Variants in ZNF385B observed in about 807,000 individuals in gnomAD.
ZNF385B encodes the protein zinc finger protein 533.
A neutral mutation model predicts 39.2 loss-of-function variants in ZNF385B; 23 were observed. The ratio of observed to expected loss-of-function variants is 0.59; its 90% CI spans 0.42 to 0.83. The LOEUF (loss-of-function observed/expected upper bound fraction) is 0.83. Among genes scored for constraint, ZNF385B ranks in the 40% least tolerant of loss-of-function variants. ZNF385B has a pLI of 0.00. For missense variants in ZNF385B, 552 were observed against 598.9 expected, an observed-to-expected ratio of 0.92 and a Z score of 0.82; for synonymous variants, 205 against 222.6, an observed-to-expected ratio of 0.92 and a Z score of 0.70.
At chr2:179,663,762 T>C (rs1575135193) in intron 3 of ZNF385B, among the ~76,000 whole-genome samples, 1 of 146,476 alleles carries the variant, frequency 6.8e-6, no homozygotes, top group South Asian at 2.2e-4. Context: ...TCTCTCATTA[T>C]CATTTAAAAG....
At chr2:179,659,524 T>C (rs1484003956) in intron 3 of ZNF385B, among the ~76,000 whole-genome samples, 1 of 151,910 alleles carries the variant, frequency 6.6e-6, no homozygotes, top group Non-Finnish European at 1.5e-5. Context: ...TTTAAAAATA[T>C]TTTATATTGT....
chr2:179,804,048 C>T (rs775705934), intron 1 of ZNF385B, among the ~76,000 whole-genome samples: 3 of 152,172 alleles, frequency 2.0e-5, no homozygotes, highest in Admixed American at 6.5e-5. Context: ...GTTACCAACA[C>T]AAATCTGTTT....
chr2:179,682,477 T>C (rs576830297), intron 3 of ZNF385B, among the ~76,000 whole-genome samples: 2 of 152,340 alleles, frequency 1.3e-5, no homozygotes, highest in South Asian at 4.1e-4. Context: ...CCCAAAATCC[T>C]GGCAATCATT....
rs142141608 is a variant in ZNF385B, at chr2:179,520,974, T to C, written c.442-2336A>G. On this transcript the variant is annotated intron_variant, in intron 4 of 9. Coordinates refer to ENST00000410066, the MANE Select transcript of ZNF385B (RefSeq NM_152520.6). ...AAATTAAAACTTTCCTCAAAGTGAATCCACATATCCTAGCTGTTTCCATGC... is the reference window on the plus strand; with the variant it reads ...AAATTAAAACTTTCCTCAAAGTGAACCCACATATCCTAGCTGTTTCCATGC... Among the ~76,000 whole-genome samples the C allele has an allele frequency of 5.3e-5, 8 of 152,290 alleles. No homozygotes were observed. The East Asian group carries it at 1.4e-3, about 26-fold the overall frequency.
chr2:179,783,141 C>T (rs1452690551), intron 1 of ZNF385B, among the ~76,000 whole-genome samples: 3 of 152,062 alleles, frequency 2.0e-5, no homozygotes, highest in Admixed American at 6.6e-5. Context: ...GGTGCTTTGA[C>T]CAATGGACCA....
Position 179,731,585 on chromosome 2 carries a change from T to C in ZNF385B, c.298+37918A>G, listed in dbSNP as rs557267476. Among the ~76,000 whole-genome samples, 3 of 152,274 alleles carry C rather than the reference T, an allele frequency of 2.0e-5. No individual in the cohort carries two copies. The East Asian group carries it at 5.8e-4, about 29-fold the overall frequency. The stretch of plus-strand genomic sequence containing the variant: ...CTCTTAATAACACCCATGCCAGCAA[T>C]TCTGATTTAATTGATCAGGGTGGAG... On this transcript the variant is annotated intron_variant, in intron 3 of 9. Transcript: ENST00000410066.
At chr2:179,667,599 T>G (rs1375706072) in intron 3 of ZNF385B, among the ~76,000 whole-genome samples, 1 of 152,106 alleles carries the variant, frequency 6.6e-6, no homozygotes, top group Non-Finnish European at 1.5e-5. Context: ...GGTGGCCTGG[T>G]TCAAAACGAT....
At chr2:179,589,721 A>C (rs562070543) in intron 3 of ZNF385B, among the ~76,000 whole-genome samples, 1 of 152,350 alleles carries the variant, frequency 6.6e-6, no homozygotes, top group East Asian at 1.9e-4. Context: ...TATGATTAAA[A>C]GGAAAAATGT....
intron 4 of ZNF385B, among the ~76,000 whole-genome samples, chr2:179,531,751 A>G (rs989886308): frequency 3.3e-5 from 5 of 152,198 alleles, no homozygotes; most frequent in African/African-American, 1.2e-4. Context: ...AGTGATATCA[A>G]TGTTGATTCT....
intron 3 of ZNF385B, among the ~76,000 whole-genome samples, chr2:179,609,697 G>A (rs1183920787): frequency 6.6e-6 from 1 of 152,186 alleles, no homozygotes; most frequent in Non-Finnish European, 1.5e-5. Flanking sequence ...CCCACCAACA[G>A]TGTACAAAGA....
chr2:179,767,981 G>A (rs988034647), intron 3 of ZNF385B, among the ~76,000 whole-genome samples: 6 of 149,428 alleles, frequency 4.0e-5, no homozygotes, highest in Admixed American at 6.7e-5. Flanking sequence ...ATGGAGTCTC[G>A]CTCTATTGCT....
At chr2:179,705,862 TA>T (rs766611242) in intron 3 of ZNF385B, among the ~76,000 whole-genome samples, 1 of 152,218 alleles carries the variant, frequency 6.6e-6, no homozygotes, top group Non-Finnish European at 1.5e-5. Context: ...TGTACATACA[TA>T]AGCAGTGAGT....
chr2:179,603,788 T>C (rs1030765476), intron 3 of ZNF385B, among the ~76,000 whole-genome samples: 4 of 152,208 alleles, frequency 2.6e-5, no homozygotes, highest in African/African-American at 9.6e-5. Flanking sequence ...CTTAGGCCAG[T>C]AATTCCTCCA....
chr2:179,522,247 T>C (rs1481325041), intron 4 of ZNF385B, among the ~76,000 whole-genome samples: 1 of 152,142 alleles, frequency 6.6e-6, no homozygotes, highest in South Asian at 2.1e-4. Flanking sequence ...AAGTATAAAG[T>C]GGTAAAATTC....
chr2:179,812,485 T>C (rs1462328483), intron 1 of ZNF385B, among the ~76,000 whole-genome samples: 1 of 152,188 alleles, frequency 6.6e-6, no homozygotes, highest in African/African-American at 2.4e-5. Flanking sequence ...AATAATGTGT[T>C]TTGCCACAAT....
At chr2:179,726,494 A>G (rs1336678013) in intron 3 of ZNF385B, among the ~76,000 whole-genome samples, 2 of 152,086 alleles carry the variant, frequency 1.3e-5, no homozygotes, top group Non-Finnish European at 2.9e-5. Context: ...GAGTATTAGT[A>G]CTATACTGAA....
At chr2:179,541,867 T>C (rs2059938172) in intron 4 of ZNF385B, among the ~76,000 whole-genome samples, 1 of 152,160 alleles carries the variant, frequency 6.6e-6, no homozygotes, top group South Asian at 2.1e-4. Context: ...GAAGGTGATA[T>C]GGGCCAAAAG....
chr2:179,652,180 C>T (rs1693253903), intron 3 of ZNF385B, among the ~76,000 whole-genome samples: 1 of 152,108 alleles, frequency 6.6e-6, no homozygotes, highest in Admixed American at 6.6e-5. Flanking sequence ...CGTTAAGATA[C>T]ACAAATAATG....
intron 3 of ZNF385B, among the ~76,000 whole-genome samples, chr2:179,584,599 T>G (rs1686891001): frequency 6.6e-6 from 1 of 152,094 alleles, no homozygotes; most frequent in African/African-American, 2.4e-5. Context: ...GGACTAAAGG[T>G]GGCTTAGAAG....
Sources: allele counts gnomAD v4.1 joint callset (sites outside exome capture counted in the v4.1 genomes callset), GRCh38; gene constraint gnomAD v4.1.1; transcripts MANE v1.5; gene names NCBI Gene and HGNC (gene_info 2026-07-23, HGNC 2026-07-21).